COL11A1: variants seen among roughly 807,000 people sequenced by gnomAD.
COL11A1 encodes the protein collagen alpha-1(XI) chain.
COL11A1 carries 74 observed loss-of-function variants against 265.2 expected under a neutral mutation model. That is an observed-to-expected ratio of 0.28 (90% CI 0.23 to 0.34). COL11A1 has a LOEUF of 0.34. COL11A1 is among the 10% of genes least tolerant of loss of function. COL11A1 has a pLI of 1.00. For synonymous variants in COL11A1, 816 were observed against 727.6 expected (o/e 1.12, Z -1.96); for missense variants, 2,165 against 2,263.6 (o/e 0.96, Z 0.88).
At chr1:102,884,944 A>G (rs559239913) in intron 63 of COL11A1, among the ~76,000 whole-genome samples, 6 of 152,286 alleles carry the variant, frequency 3.9e-5, no homozygotes, top group South Asian at 2.1e-4. Flanking sequence ...CTTTCTGTGT[A>G]ACAGCTGGCC....
Position 102,989,459 on chromosome 1 carries a change from GA to G in COL11A1, c.2394+58del, listed in dbSNP as rs1454791339. The G allele has an allele frequency of 4.3e-5, 45 of 1,039,902 alleles. 1 individual carries two copies. The South Asian group carries it at 6.3e-4, about 15-fold the overall frequency. The allele number at this position is 1,039,902 out of a possible 1,614,324, so 64.4% of individuals were successfully genotyped here. A position where few individuals can be genotyped will look rare whatever the true frequency, so the allele number is the denominator to read the frequency against. ...TTACTATATTTAAAGATAAGCAAAG[GA>G]AAAAATATATATATATATTAAATTT... On this transcript the variant is annotated intron_variant, in intron 29 of 66. Coordinates refer to ENST00000370096, the MANE Select transcript of COL11A1 (RefSeq NM_001854.4).
In COL11A1 at chr1:102,939,930, G is replaced by C. The variant is rs544819874; in HGVS notation, c.3384+397C>G. Among the ~76,000 whole-genome samples, 137 of 152,104 alleles carry C rather than the reference G, an allele frequency of 9.0e-4. 1 individual carries two copies. In the Middle Eastern group the frequency reaches 0.01, roughly 11 times the overall value. On this transcript the variant is annotated intron_variant, in intron 43 of 66. Coordinates refer to ENST00000370096, the MANE Select transcript of COL11A1 (RefSeq NM_001854.4). Reference sequence around the variant, plus strand: ...ACTCACATGTTGGTAAATGATAACAGGATTATGAAGTAAATATGTAGCTCA... The same window carrying C: ...ACTCACATGTTGGTAAATGATAACACGATTATGAAGTAAATATGTAGCTCA...
intron 9 of COL11A1, among the ~76,000 whole-genome samples, chr1:103,020,879 T>C (rs1230623611): frequency 2.2e-5 from 3 of 138,754 alleles, no homozygotes; most frequent in African/African-American, 5.2e-5. Flanking sequence ...TTGTCAGGTT[T>C]GTCAAAGGTC....
chr1:102,907,768 G>C (rs1484742314), intron 54 of COL11A1, among the ~76,000 whole-genome samples: 2 of 151,834 alleles, frequency 1.3e-5, no homozygotes, highest in Non-Finnish European at 2.9e-5. Flanking sequence ...TGCATCTGTA[G>C]TGCATTTATT....
At chr1:102,888,980 A>G in intron 59 of COL11A1, 61 bp from the exon 60 acceptor site, 1 of 1,475,850 alleles carries the variant, frequency 6.8e-7, no homozygotes, top group Non-Finnish European at 9.5e-7. Context: ...TCATGTTTTC[A>G]TAACTTTTCA....
Position 102,877,216 on chromosome 1 carries a change from C to T in COL11A1, c.*803G>A, listed in dbSNP as rs1649603555. 1 of 152,428 alleles carries T rather than the reference C, an allele frequency of 6.6e-6. No individual in the cohort carries two copies. Among genetic ancestry groups the T allele is most frequent in the South Asian group, 2.1e-4 (1 of 4,826 alleles). The allele number at this position is 152,428 out of a possible 1,614,324, so 9.4% of individuals were successfully genotyped here. A position where few individuals can be genotyped will look rare whatever the true frequency, so the allele number is the denominator to read the frequency against. ...CAAAAATATAAACTTGCTTGTTTTCCATATATACAAGTATCCTGTGAAATC... is the reference window on the plus strand; with the variant it reads ...CAAAAATATAAACTTGCTTGTTTTCTATATATACAAGTATCCTGTGAAATC... On this transcript the variant is annotated 3_prime_UTR_variant, in exon 67 of 67. Coordinates refer to ENST00000370096, the MANE Select transcript of COL11A1 (RefSeq NM_001854.4).
At chr1:103,079,800 T>C in intron 2 of COL11A1, among the ~76,000 whole-genome samples, 1 of 151,984 alleles carries the variant, frequency 6.6e-6, no homozygotes, top group East Asian at 1.9e-4. Flanking sequence ...GCATGTGTAA[T>C]CAACAATATC....
chr1:102,956,371 G>C lies in COL11A1; in HGVS notation c.3168+5495C>G, dbSNP rs74110529. Among the ~76,000 whole-genome samples, 1,001 of 152,120 alleles carry C rather than the reference G, an allele frequency of 6.6e-3. 12 individuals carry two copies. The highest frequency in any genetic ancestry group is 0.023 in the African/African-American group (955 of 41,492). On this transcript the variant is annotated intron_variant, in intron 41 of 66. Transcript: ENST00000370096. ...TCAGTAAACCATAAGCTCTTTGCAGGAAGGTCCATTTTATGAATCAATATA... is the reference window on the plus strand; with the variant it reads ...TCAGTAAACCATAAGCTCTTTGCAGCAAGGTCCATTTTATGAATCAATATA...
At chr1:103,036,350 A>G (rs1408049855) in intron 4 of COL11A1, among the ~76,000 whole-genome samples, 1 of 131,272 alleles carries the variant, frequency 7.6e-6, no homozygotes, top group Non-Finnish European at 1.6e-5. Context: ...ATATATATAT[A>G]TGATACTTAT....
chr1:102,996,402 G>A (rs1664634952), intron 26 of COL11A1, among the ~76,000 whole-genome samples: 1 of 151,696 alleles, frequency 6.6e-6, no homozygotes, highest in Non-Finnish European at 1.5e-5. Context: ...GACAGTTATT[G>A]AAAAACTAAC....
intron 41 of COL11A1, among the ~76,000 whole-genome samples, chr1:102,954,046 G>A (rs867871324): frequency 1.3e-5 from 2 of 151,886 alleles, no homozygotes; most frequent in Admixed American, 6.6e-5. Context: ...CTGTTATTTC[G>A]GTACTAAATA....
chr1:102,962,187 G>T lies in COL11A1; in HGVS notation c.3103C>A (p.Pro1035Thr). The change falls in exon 40 of 67, where the codon CCT becomes ACT. Residue 1035 changes from proline to threonine, a missense_variant. By Grantham distance (38) the Pro-to-Thr change is conservative. Coordinates refer to ENST00000370096, the MANE Select transcript of COL11A1 (RefSeq NM_001854.4). ...LRGFPGERGLPGAQGAPGLKG... is the reference protein window; with the variant it reads ...LRGFPGERGLTGAQGAPGLKG... ...GATATTGATTATACCTGAGCTCCAG[G>T]AAGACCTCTTTCCCCTGGGAAACCA... The T allele has an allele frequency of 6.2e-7, 1 of 1,612,480 alleles. No homozygotes were observed. Among genetic ancestry groups the T allele is most frequent in the Non-Finnish European group, 8.5e-7 (1 of 1,178,656 alleles).
At chr1:103,004,716 A>G (rs1192752811) in intron 18 of COL11A1, 55 bp from the exon 19 acceptor site, 1 of 1,452,788 alleles carries the variant, frequency 6.9e-7, no homozygotes, top group African/African-American at 1.4e-5. Context: ...AATGTTTACA[A>G]GTCTATCAGG....
intron 4 of COL11A1, among the ~76,000 whole-genome samples, chr1:103,060,547 T>C (rs1182269504): frequency 6.6e-6 from 1 of 152,174 alleles, no homozygotes; most frequent in Non-Finnish European, 1.5e-5. Context: ...AAATGAATGA[T>C]TGCAATGACA....
At chr1:103,056,719 G>A (rs762541558) in intron 4 of COL11A1, among the ~76,000 whole-genome samples, 10 of 152,046 alleles carry the variant, frequency 6.6e-5, no homozygotes, top group Non-Finnish European at 1.2e-4. Flanking sequence ...TGAAGATATC[G>A]CATGTTCAGT....
chr1:103,009,453 T>C (rs1304330716), intron 14 of COL11A1, among the ~76,000 whole-genome samples: 1 of 151,974 alleles, frequency 6.6e-6, no homozygotes, highest in Non-Finnish European at 1.5e-5. Context: ...ATGTAAAAGG[T>C]GTAACAACAA....
chr1:102,931,186 G>T (rs940132877), intron 46 of COL11A1, among the ~76,000 whole-genome samples: 7 of 143,440 alleles, frequency 4.9e-5, no homozygotes, highest in Non-Finnish European at 1.1e-4. Flanking sequence ...TGTGATGTTA[G>T]GGTGTCAATT....
At chr1:102,897,441 A>ATATAT (rs66523451) in intron 57 of COL11A1, among the ~76,000 whole-genome samples, 9 of 150,520 alleles carry the variant, frequency 6.0e-5, no homozygotes, top group South Asian at 4.2e-4. Flanking sequence ...ATAAGAAAAA[A>ATATAT]AAATATATAT....
intron 52 of COL11A1, 100 bp downstream of exon 52, chr1:102,914,252 G>T: frequency 1.1e-6 from 1 of 891,592 alleles, no homozygotes; most frequent in Non-Finnish European, 1.8e-6. Context: ...CTGTTTTTGG[G>T]AGTTCACTTA....
Sources: gnomAD v4.1 joint callset for allele counts (sites outside exome capture counted in the v4.1 genomes callset) on GRCh38, gnomAD v4.1.1 for gene constraint, MANE v1.5 for transcripts, NCBI Gene and HGNC (gene_info 2026-07-23, HGNC 2026-07-21) for gene names.